TRPC4: variants seen among roughly 807,000 people sequenced by gnomAD.
TRPC4 encodes transient receptor potential cation channel subfamily C member 4.
TRPC4 carries 49 observed loss-of-function variants against 99.4 expected under a neutral mutation model. That is an observed-to-expected ratio of 0.49 (90% CI 0.39 to 0.63). The LOEUF is 0.63. TRPC4 is among the 20% of genes least tolerant of loss of function. The probability of loss-of-function intolerance (pLI) is 0.00; values close to 1 mark genes in which losing one functional copy is unlikely to be tolerated. For missense variants in TRPC4, 898 were observed against 1,152.9 expected, an observed-to-expected ratio of 0.78 and a Z score of 3.20; for synonymous variants, 454 against 425.9, an observed-to-expected ratio of 1.07 and a Z score of -0.81.
At chr13:37,723,489 C>A (rs1954941014) in intron 3 of TRPC4, among the ~76,000 whole-genome samples, 2 of 152,114 alleles carry the variant, frequency 1.3e-5, no homozygotes, top group Admixed American at 1.3e-4. Flanking sequence ...TGGTACTATG[C>A]TGACAGATGT....
At chr13:37,781,027 C>T (rs1249095292) in intron 2 of TRPC4, among the ~76,000 whole-genome samples, 1 of 151,896 alleles carries the variant, frequency 6.6e-6, no homozygotes, top group Non-Finnish European at 1.5e-5. Flanking sequence ...GATCAAATGC[C>T]TATAAGGAGC....
intron 1 of TRPC4, among the ~76,000 whole-genome samples, chr13:37,790,574 G>A (rs1279885776): frequency 6.6e-6 from 1 of 152,134 alleles, no homozygotes; most frequent in African/African-American, 2.4e-5. Context: ...TGGGCAAGCA[G>A]CTCCCTTATT....
rs541257623 is a variant in TRPC4 at position 37,761,392 on chromosome 13, T to C, written c.379-14937A>G. 5.3e-5 allele frequency among the ~76,000 whole-genome samples: 8 copies of C among 151,970 alleles called. No individual in the cohort carries two copies. The South Asian group carries it at 1.7e-3, about 32-fold the overall frequency. The stretch of plus-strand genomic sequence containing the variant: ...AGAGTCTAAATTCTTCACCAATAGA[T>C]GTTATGTCTTCTAGGTAAGGCAGTT... On this transcript the variant is annotated intron_variant, in intron 2 of 10. Coordinates refer to ENST00000379705, the MANE Select transcript of TRPC4 (RefSeq NM_016179.4).
chr13:37,842,360 AAAAAAAAAAAGG>A (rs1958763901), intron 1 of TRPC4, among the ~76,000 whole-genome samples: 3 of 144,102 alleles, frequency 2.1e-5, no homozygotes, highest in Admixed American at 6.9e-5. Flanking sequence ...AAAAAAAAAA[AAAAAAAAAAAGG>A]AAAAGGAAAA....
chr13:37,767,601 C>T (rs944419782), intron 2 of TRPC4, among the ~76,000 whole-genome samples: 9 of 151,288 alleles, frequency 5.9e-5, no homozygotes, highest in African/African-American at 2.2e-4. Flanking sequence ...TATATTCCCA[C>T]ATAATTTCTT....
intron 3 of TRPC4, among the ~76,000 whole-genome samples, chr13:37,716,953 TATC>T (rs67903438): frequency 0.1 from 15,332 of 152,012 alleles, 810 homozygotes; most frequent in African/African-American, 0.12. Flanking sequence ...GGTGGTAAAA[TATC>T]ATAGACTGAA....
intron 3 of TRPC4, among the ~76,000 whole-genome samples, chr13:37,732,224 C>T (rs1283693872): frequency 6.6e-6 from 1 of 152,022 alleles, no homozygotes; most frequent in African/African-American, 2.4e-5. Context: ...TGTACATGCT[C>T]TATATATAGA....
At chr13:37,711,306 C>T (rs1271907594) in intron 3 of TRPC4, among the ~76,000 whole-genome samples, 1 of 151,878 alleles carries the variant, frequency 6.6e-6, no homozygotes, top group African/African-American at 2.4e-5. Context: ...TTATTTCAAA[C>T]AGAACTTCTC....
At chr13:37,670,162 G>A (rs1306393897) in intron 5 of TRPC4, among the ~76,000 whole-genome samples, 1 of 152,002 alleles carries the variant, frequency 6.6e-6, no homozygotes, top group Non-Finnish European at 1.5e-5. Context: ...CAGGCTTCCA[G>A]CCTCTGTAAC....
chr13:37,656,296 T>G (rs373765839), intron 6 of TRPC4, among the ~76,000 whole-genome samples: 1 of 152,182 alleles, frequency 6.6e-6, no homozygotes, highest in Non-Finnish European at 1.5e-5. Flanking sequence ...AAAATGAGAC[T>G]ATATTTAAAT....
chr13:37,723,531 TTGG>T (rs1188929909), intron 3 of TRPC4, among the ~76,000 whole-genome samples: 1 of 152,116 alleles, frequency 6.6e-6, no homozygotes, highest in Non-Finnish European at 1.5e-5. Flanking sequence ...ATACCCACTG[TTGG>T]TGGAGATGCA....
chr13:37,862,047 G>T (rs1004580365), intron 1 of TRPC4, among the ~76,000 whole-genome samples: 1 of 151,468 alleles, frequency 6.6e-6, no homozygotes, highest in African/African-American at 2.4e-5. Context: ...CTATTTCTAG[G>T]CTTTCGATAG....
chr13:37,790,926 T>C (rs1480163991), intron 1 of TRPC4, among the ~76,000 whole-genome samples: 1 of 152,060 alleles, frequency 6.6e-6, no homozygotes, highest in Non-Finnish European at 1.5e-5. Flanking sequence ...TTGGAGGCAA[T>C]AATATAAAGA....
intron 1 of TRPC4, among the ~76,000 whole-genome samples, chr13:37,822,549 C>G (rs1332581645): frequency 6.7e-6 from 1 of 150,352 alleles, no homozygotes; most frequent in Admixed American, 6.7e-5. Context: ...TGATAGTTTA[C>G]TAAGAATGAT....
chr13:37,859,581 C>T (rs1170431903), intron 1 of TRPC4, among the ~76,000 whole-genome samples: 1 of 151,456 alleles, frequency 6.6e-6, no homozygotes, highest in African/African-American at 2.4e-5. Context: ...GTCAATTTAA[C>T]AGCATTTTGA....
chr13:37,699,998 G>C (rs1388880201), intron 3 of TRPC4, among the ~76,000 whole-genome samples: 1 of 152,108 alleles, frequency 6.6e-6, no homozygotes, highest in Non-Finnish European at 1.5e-5. Flanking sequence ...AAACAAAACA[G>C]CAAGCAAACA....
intron 1 of TRPC4, 27 bp from the exon 2 acceptor site, chr13:37,783,387 G>A (rs1956894161): frequency 1.3e-6 from 2 of 1,483,796 alleles, no homozygotes; most frequent in Admixed American, 4.6e-5. Context: ...AAAACACAAA[G>A]ATTAGTGTTA....
intron 3 of TRPC4, among the ~76,000 whole-genome samples, chr13:37,723,971 A>C (rs1379774854): frequency 6.6e-6 from 1 of 152,186 alleles, no homozygotes; most frequent in Non-Finnish European, 1.5e-5. Context: ...TTATAAATGC[A>C]AAGATTCTTT....
intron 3 of TRPC4, among the ~76,000 whole-genome samples, chr13:37,745,538 GTA>G (rs67537956): frequency 0.47 from 60,102 of 126,946 alleles, 14,783 homozygotes; most frequent in East Asian, 0.82. Context: ...GTATATATAC[GTA>G]TATATATATA....
Sources: gnomAD v4.1 joint callset for allele counts (sites outside exome capture counted in the v4.1 genomes callset) on GRCh38, gnomAD v4.1.1 for gene constraint, MANE v1.5 for transcripts, NCBI Gene and HGNC (gene_info 2026-07-23, HGNC 2026-07-21) for gene names.